Variants in ABCB5 observed in about 807,000 individuals in gnomAD.
The protein encoded by ABCB5 is ATP-binding cassette sub-family B member 5.
A neutral mutation model predicts 144.2 loss-of-function variants in ABCB5; 155 were observed. That is an observed-to-expected ratio of 1.08 (90% CI 0.94 to 1.23). The LOEUF (loss-of-function observed/expected upper bound fraction) is 1.23. ABCB5 is among the 50% of genes most tolerant of loss of function. The pLI, the probability that ABCB5 is intolerant of heterozygous loss-of-function variation, is 0.00. For missense variants in ABCB5, 1,830 were observed against 1,520.8 expected, an observed-to-expected ratio of 1.20 and a Z score of -3.38; for synonymous variants, 610 against 528.6, an observed-to-expected ratio of 1.15 and a Z score of -2.11.
At chr7:20,729,941 A>G (rs926741741) in intron 23 of ABCB5, among the ~76,000 whole-genome samples, 18 of 152,234 alleles carry the variant, frequency 1.2e-4, no homozygotes, top group African/African-American at 3.9e-4. Flanking sequence ...GGATAGGTTC[A>G]ATTTGAGGAA....
At position 20,723,174 on chromosome 7, in the gene ABCB5, T is replaced by A. The variant is rs1018556186; in HGVS notation, c.2580T>A (p.Thr860=). Residue 860 remains threonine, a synonymous_variant, in exon 21 of 28, where the codon ACT becomes ACA. Coordinates refer to ENST00000404938, the MANE Select transcript of ABCB5 (RefSeq NM_001163941.2). ...VTGMIETAAM[T]GFANKDKQEL... ...GAATGATTGAAACCGCAGCAATGAC[T>A]GGATTTGCCAACAAAGATAAGCAAG... 3 of 1,614,040 alleles carry A rather than the reference T, an allele frequency of 1.9e-6. No individual in the cohort carries two copies. The African/African-American group carries it at 4.0e-5, about 22-fold the overall frequency.
rs11380694 is a variant in ABCB5, at chr7:20,739,221, AG to A, written c.3024+86del. ...GGGCCACTGAAGATGGGAGGGAGAGAGGGGCAAGGGCTGAAAAACTAACCAT... is the reference window on the plus strand; with the variant it reads ...GGGCCACTGAAGATGGGAGGGAGAGAGGGCAAGGGCTGAAAAACTAACCAT... On this transcript the variant is annotated intron_variant, in intron 24 of 27. Coordinates refer to ENST00000404938, the MANE Select transcript of ABCB5 (RefSeq NM_001163941.2). 7,494 of 1,385,286 alleles carry A rather than the reference AG, an allele frequency of 5.4e-3. 257 individuals are homozygous for A. In the African/African-American group the frequency reaches 0.08, roughly 15 times the overall value. The allele number at this position is 1,385,286 out of a possible 1,614,324, so 85.8% of individuals were successfully genotyped here. A position where few individuals can be genotyped will look rare whatever the true frequency, so the allele number is the denominator to read the frequency against.
In ABCB5 at chr7:20,655,520, C is replaced by T. The variant is rs138367538; in HGVS notation, c.1537-2986C>T. On this transcript the variant is annotated intron_variant, in intron 13 of 27. Coordinates refer to ENST00000404938, the MANE Select transcript of ABCB5 (RefSeq NM_001163941.2). ...CAAAAAAAGCTAGATGTCTAAATAA[C>T]GGCAACAGTTACAAATGAAATTAAA... Among the ~76,000 whole-genome samples, 140 of 150,082 alleles carry T rather than the reference C, an allele frequency of 9.3e-4. 2 individuals are homozygous for T. Among genetic ancestry groups the T allele is most frequent in the African/African-American group, 3.0e-3 (122 of 40,708 alleles).
chr7:20,730,424 A>G (rs899510709), intron 23 of ABCB5, among the ~76,000 whole-genome samples: 1 of 152,156 alleles, frequency 6.6e-6, no homozygotes, highest in African/African-American at 2.4e-5. Context: ...CATGAGAATC[A>G]CTTGACCCGA....
chr7:20,694,169 C>CA (rs373036551), intron 16 of ABCB5, among the ~76,000 whole-genome samples: 2,233 of 149,756 alleles, frequency 0.015, 68 homozygotes, highest in African/African-American at 0.051. Flanking sequence ...AATGAGATTA[C>CA]AAAAAAAATA....
At chr7:20,617,129 T>C (rs1783704042) in intron 1 of ABCB5, among the ~76,000 whole-genome samples, 1 of 152,200 alleles carries the variant, frequency 6.6e-6, no homozygotes. Flanking sequence ...ATGCCTTTTT[T>C]TAAAATTGTG....
chr7:20,616,241 G>C (rs911791247), intron 1 of ABCB5, among the ~76,000 whole-genome samples: 2 of 152,132 alleles, frequency 1.3e-5, no homozygotes, highest in African/African-American at 4.8e-5. Flanking sequence ...TCACCTTGTT[G>C]GACAGGCTGG....
intron 14 of ABCB5, among the ~76,000 whole-genome samples, chr7:20,669,675 A>G (rs1785396061): frequency 7.4e-6 from 1 of 135,418 alleles, no homozygotes; most frequent in Admixed American, 7.6e-5. Context: ...CTATTGTCCT[A>G]TGACCCTGCC....
chr7:20,748,150 T>C (rs1782788915), intron 26 of ABCB5, among the ~76,000 whole-genome samples: 2 of 152,188 alleles, frequency 1.3e-5, no homozygotes, highest in African/African-American at 4.8e-5. Flanking sequence ...TTCGTAACCA[T>C]GGTGGTCCTA....
At chr7:20,644,959 G>A (rs1244332135) in intron 7 of ABCB5, among the ~76,000 whole-genome samples, 1 of 152,216 alleles carries the variant, frequency 6.6e-6, no homozygotes, top group African/African-American at 2.4e-5. Flanking sequence ...AAGATTGCCT[G>A]CAGTAAGTTA....
chr7:20,687,675 T>C (rs1786046216), intron 16 of ABCB5, among the ~76,000 whole-genome samples: 1 of 152,180 alleles, frequency 6.6e-6, no homozygotes, highest in African/African-American at 2.4e-5. Flanking sequence ...AAGGGACTCT[T>C]TCAGACTGTG....
At chr7:20,736,557 C>G (rs145397026) in intron 23 of ABCB5, among the ~76,000 whole-genome samples, 3 of 152,276 alleles carry the variant, frequency 2.0e-5, no homozygotes, top group African/African-American at 7.2e-5. Context: ...TACCAAATTA[C>G]TCCTCTTCAT....
intron 14 of ABCB5, among the ~76,000 whole-genome samples, chr7:20,668,685 C>T (rs1428686237): frequency 6.2e-5 from 9 of 145,074 alleles, no homozygotes; most frequent in Non-Finnish European, 1.1e-4. Context: ...GTGAGGAGCC[C>T]CTCTGCCCGG....
chr7:20,655,399 G>T (rs1784750548), intron 13 of ABCB5, among the ~76,000 whole-genome samples: 1 of 152,136 alleles, frequency 6.6e-6, no homozygotes, highest in African/African-American at 2.4e-5. Flanking sequence ...CTTGAACTCA[G>T]GAGGCAAAGG....
At chr7:20,628,564 A>G in intron 3 of ABCB5, 124 bp from the exon 4 acceptor site, 1 of 904,380 alleles carries the variant, frequency 1.1e-6, no homozygotes, top group Non-Finnish European at 1.6e-6. Flanking sequence ...CTTATTTACC[A>G]TCTTAATGTA....
chr7:20,631,075 T>C (rs939123428), intron 4 of ABCB5, among the ~76,000 whole-genome samples: 3 of 152,174 alleles, frequency 2.0e-5, no homozygotes, highest in African/African-American at 7.2e-5. Flanking sequence ...AATAAAAATA[T>C]GAATAATAGC....
chr7:20,701,544 C>A (rs4142216), intron 19 of ABCB5, among the ~76,000 whole-genome samples: 11 of 151,850 alleles, frequency 7.2e-5, no homozygotes, highest in African/African-American at 2.2e-4. Flanking sequence ...GCCATGAGAC[C>A]GTTTAATGAG....
At chr7:20,660,837 C>T (rs528798412) in intron 14 of ABCB5, among the ~76,000 whole-genome samples, 25 of 152,292 alleles carry the variant, frequency 1.6e-4, no homozygotes, top group Admixed American at 1.4e-3. Flanking sequence ...CACTTCACTC[C>T]ACAACCTGCC....
At chr7:20,658,808 C>T (rs890552031) in intron 14 of ABCB5, 132 bp downstream of exon 14, 2 of 1,129,492 alleles carry the variant, frequency 1.8e-6, no homozygotes, top group African/African-American at 3.1e-5. Flanking sequence ...GGATGTTAAT[C>T]CACTGAGAAC....
Sources: gnomAD v4.1 joint callset for allele counts (sites outside exome capture counted in the v4.1 genomes callset) on GRCh38, gnomAD v4.1.1 for gene constraint, MANE v1.5 for transcripts, NCBI Gene and HGNC (gene_info 2026-07-23, HGNC 2026-07-21) for gene names.